The following RALGPS1 variants were observed in gnomAD, a reference collection of about 807,000 sequenced individuals.
RALGPS1 encodes the protein ras-specific guanine nucleotide-releasing factor RalGPS1.
In RALGPS1, 19 loss-of-function variants were observed where a neutral mutation model predicts 78.8. That is an observed-to-expected ratio of 0.24 (90% CI 0.17 to 0.35). The LOEUF (loss-of-function observed/expected upper bound fraction) is 0.35. Ranked by LOEUF, RALGPS1 falls within the 10% of genes least tolerant of loss-of-function variation. The pLI is 1.00. For missense variants in RALGPS1, 454 were observed against 688.3 expected (o/e 0.66, Z 3.81); for synonymous variants, 228 against 256.3 (o/e 0.89, Z 1.06).
intron 1 of RALGPS1, among the ~76,000 whole-genome samples, chr9:126,928,457 T>G (rs2035501031): frequency 6.6e-6 from 1 of 152,164 alleles, no homozygotes; most frequent in Non-Finnish European, 1.5e-5. Context: ...AGAGGCAGGA[T>G]GATGAGATAT....
intron 14 of RALGPS1, among the ~76,000 whole-genome samples, chr9:127,210,036 G>A (rs1392889020): frequency 6.6e-6 from 1 of 152,220 alleles, no homozygotes; most frequent in Non-Finnish European, 1.5e-5. Context: ...GAGAAAGAGG[G>A]TGCCTCCCCG....
At chr9:127,034,585 C>T (rs918058501) in intron 5 of RALGPS1, 71 bp downstream of exon 5, 64 of 1,368,260 alleles carry the variant, frequency 4.7e-5, no homozygotes, top group Non-Finnish European at 6.7e-5. Context: ...CTGCGAGCCC[C>T]CACCCAAAGC....
At chr9:127,014,306 A>G (rs954117729) in intron 4 of RALGPS1, among the ~76,000 whole-genome samples, 1 of 152,200 alleles carries the variant, frequency 6.6e-6, no homozygotes, top group Non-Finnish European at 1.5e-5. Flanking sequence ...TGAGCCTTTT[A>G]GGAAAGGGAA....
At position 127,174,721 on chromosome 9, in the gene RALGPS1, G is replaced by T. The variant is rs749173115; in HGVS notation, c.849G>T (p.Ser283=). 1 of 1,614,012 alleles carries T rather than the reference G, an allele frequency of 6.2e-7. No individual in the cohort carries two copies. The highest frequency in any genetic ancestry group is 8.5e-7 in the Non-Finnish European group (1 of 1,179,944). The part of the protein sequence containing the change: ...KFVEDDNYKL[S]LRIEPGSSSP... ...TGAAAATCTTTGTTTTCAGACTGTC[G>T]CTCAGAATCGAACCAGGAAGCAGCT... The change falls in exon 11 of 19, where the codon TCG becomes TCT. Residue 283 remains serine, a synonymous_variant. Coordinates refer to ENST00000259351, the MANE Select transcript of RALGPS1 (RefSeq NM_014636.3).
intron 4 of RALGPS1, chr9:126,990,159 C>A (rs960157578): frequency 6.2e-6 from 5 of 811,292 alleles, no homozygotes; most frequent in Non-Finnish European, 9.4e-6. Flanking sequence ...ATGTGGCCAG[C>A]AGGCAGTCAT....
chr9:126,921,245 C>A (rs185696596), intron 1 of RALGPS1, among the ~76,000 whole-genome samples: 92 of 152,322 alleles, frequency 6.0e-4, no homozygotes, highest in African/African-American at 2.1e-3. Context: ...ACTCTGAAGT[C>A]ACCAAGCGCT....
At chr9:126,946,313 C>T (rs1267442186) in intron 1 of RALGPS1, among the ~76,000 whole-genome samples, 2 of 152,160 alleles carry the variant, frequency 1.3e-5, no homozygotes, top group Non-Finnish European at 2.9e-5. Context: ...ATGGGCAGAT[C>T]ACCTGAGGTC....
intron 5 of RALGPS1, among the ~76,000 whole-genome samples, chr9:127,043,520 G>C (rs756311744): frequency 6.6e-6 from 1 of 152,006 alleles, no homozygotes; most frequent in Non-Finnish European, 1.5e-5. Context: ...AGAAAACGTA[G>C]AAGAAAACCT....
At chr9:126,995,239 T>C (rs1347794228) in intron 4 of RALGPS1, among the ~76,000 whole-genome samples, 2 of 152,014 alleles carry the variant, frequency 1.3e-5, no homozygotes, top group Non-Finnish European at 2.9e-5. Context: ...GACTGGCAAA[T>C]TGGATAAAGA....
rs1353621223 is a variant in RALGPS1, at chr9:127,219,277, G to A, written c.*508G>A. On this transcript the variant is annotated 3_prime_UTR_variant, in exon 19 of 19. Coordinates refer to ENST00000259351, the MANE Select transcript of RALGPS1 (RefSeq NM_014636.3). This position sits in a 1 kb window ranked among gnomAD's most constrained non-coding sequence, Gnocchi z 5.0. ...GCTGTACGTGTGTGTGTGTGTGTGA[G>A]CGAGTGTGAACTCTTCAAGAAACAT... is the stretch of plus-strand genomic sequence containing the variant. 1 of 173,168 alleles carries A rather than the reference G, an allele frequency of 5.8e-6. No homozygotes were observed. The highest frequency in any genetic ancestry group is 1.2e-5 in the Non-Finnish European group (1 of 80,078). The allele number at this position is 173,168 out of a possible 1,614,324, so 10.7% of individuals were successfully genotyped here.
chr9:127,059,125 T>A lies in RALGPS1; in HGVS notation c.483+6186T>A, dbSNP rs113899891. On this transcript the variant is annotated intron_variant, in intron 7 of 18. Transcript: ENST00000259351. ...TGCAAATATCACAGGACGGCAGATG[T>A]ATGACATTCAGATACTTTGGAGTTC... 4.8e-3 allele frequency among the ~76,000 whole-genome samples: 735 copies of A among 152,300 alleles called. 2 individuals carry two copies. Among genetic ancestry groups the A allele is most frequent in the Non-Finnish European group, 9.2e-3 (627 of 68,014 alleles).
intron 1 of RALGPS1, among the ~76,000 whole-genome samples, chr9:126,939,753 C>T (rs1479354126): frequency 6.6e-6 from 1 of 152,216 alleles, no homozygotes; most frequent in Non-Finnish European, 1.5e-5. Flanking sequence ...ACATGACCCT[C>T]GCTTTACAGA....
chr9:126,974,301 G>A (rs977257979), intron 3 of RALGPS1, among the ~76,000 whole-genome samples: 1 of 152,168 alleles, frequency 6.6e-6, no homozygotes, highest in Admixed American at 6.5e-5. Context: ...TGCCGGACAC[G>A]GGCTTTCTGT....
chr9:126,941,247 A>G (rs1251901323), intron 1 of RALGPS1, among the ~76,000 whole-genome samples: 3 of 152,100 alleles, frequency 2.0e-5, no homozygotes, highest in Non-Finnish European at 2.9e-5. Flanking sequence ...AGTATTTGAT[A>G]GCACAACAGG....
At chr9:127,019,392 A>G (rs771092453) in intron 4 of RALGPS1, among the ~76,000 whole-genome samples, 2 of 151,960 alleles carry the variant, frequency 1.3e-5, no homozygotes, top group Non-Finnish European at 2.9e-5. Flanking sequence ...CAGTGGTGCA[A>G]TCTCGGCTCA....
At position 127,093,252 on chromosome 9, in the gene RALGPS1, G is replaced by A. The variant is rs548656231; in HGVS notation, c.610+23896G>A. ...CTCCCTGGGAACCAGGGAGCCCAGA[G>A]GATGAGCCTGGAATTAGGACTTGAG... On this transcript the variant is annotated intron_variant, in intron 8 of 18. Coordinates refer to ENST00000259351, the MANE Select transcript of RALGPS1 (RefSeq NM_014636.3). Among the ~76,000 whole-genome samples the A allele has an allele frequency of 1.8e-4, 27 of 152,260 alleles. No individual in the cohort carries two copies. In the South Asian group the frequency reaches 4.8e-3, roughly 27 times the overall value.
At chr9:127,177,479 C>T (rs1226044699) in intron 11 of RALGPS1, among the ~76,000 whole-genome samples, 1 of 152,182 alleles carries the variant, frequency 6.6e-6, no homozygotes, top group East Asian at 1.9e-4. Flanking sequence ...CTATGTGACC[C>T]AGCTGGTCCC....
chr9:126,999,544 T>G (rs2043096496), intron 4 of RALGPS1, among the ~76,000 whole-genome samples: 1 of 152,230 alleles, frequency 6.6e-6, no homozygotes, highest in Non-Finnish European at 1.5e-5. Context: ...TAGTTTTACC[T>G]TTTCCAGAAT....
chr9:126,974,861 C>A (rs2040452136), intron 3 of RALGPS1, among the ~76,000 whole-genome samples: 1 of 151,620 alleles, frequency 6.6e-6, no homozygotes, highest in African/African-American at 2.4e-5. Flanking sequence ...AACCAAGGTA[C>A]CTCTCCTGAG....
Sources: allele counts gnomAD v4.1 joint callset (sites outside exome capture counted in the v4.1 genomes callset), GRCh38; gene constraint gnomAD v4.1.1; non-coding constraint Gnocchi (gnomAD v3.1); transcripts MANE v1.5; gene names NCBI Gene and HGNC (gene_info 2026-07-23, HGNC 2026-07-21).